Variants in GREB1 observed in about 807,000 individuals in gnomAD.
GREB1 encodes the protein protein GREB1.
GREB1 carries 106 observed loss-of-function variants against 200.7 expected under a neutral mutation model. The observed-to-expected ratio is 0.53, with a 90% confidence interval of 0.45 to 0.62. GREB1 has a LOEUF of 0.62. GREB1 is among the 20% of genes least tolerant of loss of function. The pLI is 0.00. For synonymous variants in GREB1, 1,132 were observed against 1,092.4 expected, an observed-to-expected ratio of 1.04 and a Z score of -0.72; for missense variants, 2,243 against 2,556.8, an observed-to-expected ratio of 0.88 and a Z score of 2.65.
chr2:11,623,954 C>T (rs1385350306), intron 23 of GREB1, among the ~76,000 whole-genome samples: 1 of 151,060 alleles, frequency 6.6e-6, no homozygotes, highest in Non-Finnish European at 1.5e-5. Flanking sequence ...ATATTAAGCT[C>T]ATAGAATAAG....
chr2:11,625,693 C>G (rs888594320), intron 24 of GREB1, among the ~76,000 whole-genome samples: 3 of 152,182 alleles, frequency 2.0e-5, no homozygotes, highest in African/African-American at 4.8e-5. Flanking sequence ...TCAGGGATCC[C>G]CAACATCCAT....
intron 1 of GREB1, among the ~76,000 whole-genome samples, chr2:11,524,124 A>G (rs1673794659): frequency 6.6e-6 from 1 of 152,222 alleles, no homozygotes; most frequent in Non-Finnish European, 1.5e-5. Flanking sequence ...CCTTGTAATG[A>G]AATTATTAAA....
At position 11,521,031 on chromosome 2, in the gene GREB1, A is replaced by G. The variant is rs146377403; in HGVS notation, c.-158-35426A>G. 1.6e-4 allele frequency among the ~76,000 whole-genome samples: 24 copies of G among 152,272 alleles called. No individual in the cohort carries two copies. The East Asian group carries it at 4.4e-3, about 28-fold the overall frequency. ...CTCTGCCGTGTGGGCTCCATGGTCT[A>G]TCAGGACCTGAGCCAGGCATGTATA... On this transcript the variant is annotated intron_variant, in intron 1 of 2. Transcript: ENST00000628795.
chr2:11,584,937 G>C (rs974712755), intron 7 of GREB1: 5 of 392,592 alleles, frequency 1.3e-5, no homozygotes, highest in African/African-American at 6.3e-5. Flanking sequence ...GGACCACCAG[G>C]TTGCCTAAGG....
At chr2:11,540,094 C>T (rs755416521) in intron 1 of GREB1, 4 of 152,272 alleles carry the variant, frequency 2.6e-5, no homozygotes, top group Non-Finnish European at 5.9e-5. Context: ...CCTGAAGTGA[C>T]CAGCTTTTTG....
At chr2:11,530,130 T>C (rs1674017813), upstream of GREB1, among the ~76,000 whole-genome samples, 1 of 152,056 alleles carries the variant, frequency 6.6e-6, no homozygotes, top group African/African-American at 2.4e-5. Flanking sequence ...GGCACCATCT[T>C]GGCTCACTGC....
At chr2:11,587,680 C>A in intron 9 of GREB1, 1 of 1,300,218 alleles carries the variant, frequency 7.7e-7, no homozygotes, top group South Asian at 1.6e-5. Flanking sequence ...AATGGAGTAC[C>A]TGGAGTACAA....
intron 17 of GREB1, among the ~76,000 whole-genome samples, chr2:11,610,182 C>T (rs186398305): frequency 2.6e-5 from 4 of 152,274 alleles, no homozygotes; most frequent in South Asian, 2.1e-4. Context: ...TGTCAAAATA[C>T]GTTTAGTTAT....
chr2:11,556,331 G>A (rs977962203), intron 1 of GREB1, 123 bp from the exon 2 acceptor site: 7 of 239,612 alleles, frequency 2.9e-5, no homozygotes, highest in Non-Finnish European at 4.8e-5. Context: ...TGGGAGTCCT[G>A]TGAAACCTGG....
chr2:11,587,741 A>ACACACACACACACACACGCG lies in GREB1; in HGVS notation c.1160-1004_1160-1003insACACACACACACACACGCGC. The stretch of plus-strand genomic sequence containing the variant: ...CACACACACACACACACACACACAC[A>ACACACACACACACACACGCG]CGCCACCTTTGGGAGCTCAGCAGCC... On this transcript the variant is annotated intron_variant, in intron 9 of 32. Coordinates refer to ENST00000381486, the MANE Select transcript of GREB1 (RefSeq NM_014668.4). The ACACACACACACACACACGCG allele has an allele frequency of 1.0e-3, 819 of 788,306 alleles. 60 individuals carry two copies. Among genetic ancestry groups the ACACACACACACACACACGCG allele is most frequent in the East Asian group, 6.6e-3 (85 of 12,908 alleles). 48.8% of individuals were successfully genotyped at this position (788,306 alleles called of 1,614,324 possible).
chr2:11,487,709 C>T (rs1469070623), intron 1 of GREB1, among the ~76,000 whole-genome samples: 1 of 152,252 alleles, frequency 6.6e-6, no homozygotes, highest in South Asian at 2.1e-4. Context: ...TCAGCTTCAG[C>T]AGTTGTCAAG....
intron 1 of GREB1, among the ~76,000 whole-genome samples, chr2:11,509,802 A>C (rs769454191): frequency 2.6e-5 from 4 of 152,220 alleles, no homozygotes; most frequent in Non-Finnish European, 4.4e-5. Flanking sequence ...CTCACCAGAC[A>C]CTGAGTCTGC....
intron 18 of GREB1, 74 bp from the exon 19 acceptor site, chr2:11,612,421 A>G (rs1683015702): frequency 6.6e-7 from 1 of 1,508,892 alleles, no homozygotes; most frequent in Non-Finnish European, 9.1e-7. Context: ...GTGGGAGGCC[A>G]TCAGGATTCC....
intron 9 of GREB1, among the ~76,000 whole-genome samples, chr2:11,586,909 G>A (rs1680160721): frequency 6.6e-6 from 1 of 152,140 alleles, no homozygotes; most frequent in Non-Finnish European, 1.5e-5. Flanking sequence ...GTCATGTTGT[G>A]TGTGTTTTTT....
At chr2:11,538,958 C>CCTCCT (rs1179706529) in intron 1 of GREB1, among the ~76,000 whole-genome samples, 1 of 63,952 alleles carries the variant, frequency 1.6e-5, no homozygotes, top group Admixed American at 1.5e-4. Flanking sequence ...TGTCCCCTCC[C>CCTCCT]CTCCTCTCCC....
intron 23 of GREB1, among the ~76,000 whole-genome samples, chr2:11,624,560 G>T (rs1338806546): frequency 6.6e-6 from 1 of 151,874 alleles, no homozygotes; most frequent in Non-Finnish European, 1.5e-5. Flanking sequence ...GGCCAGACTG[G>T]TCTCGAACTC....
rs59388643 is a variant in GREB1, at chr2:11,585,737, C to T, written c.1016-25C>T. 0.012 allele frequency: 18,699 copies of T among 1,611,770 alleles called. 1,697 individuals are homozygous for T. In the African/African-American group the frequency reaches 0.21, roughly 18 times the overall value. ...AGGTGGATGCCTTGTCTGATGTTTT[C>T]ACTAATATTCTTGGGTGTTCCTAGA... On this transcript the variant is annotated intron_variant, in intron 8 of 32. Transcript: ENST00000381486.
Position 11,602,503 on chromosome 2 carries a change from A to T in GREB1, c.2627A>T (p.Asp876Val), listed in dbSNP as rs1681872694. Residue 876 changes from aspartate to valine, a missense_variant, in exon 17 of 33, where the codon GAT (aspartate) becomes GTT (valine). Transcript: ENST00000381486. Reference sequence around the variant, plus strand: ...CACAGCCTCCCCTTGCTCAGATACGATAGCTCCTTTGAGGCCATGGTCACT... The same window carrying T: ...CACAGCCTCCCCTTGCTCAGATACGTTAGCTCCTTTGAGGCCATGGTCACT... ...SGHSLPLLRY[D>V]SSFEAMVTAL... The T allele has an allele frequency of 6.2e-7, 1 of 1,613,788 alleles. No homozygotes were observed. The highest frequency in any genetic ancestry group is 1.3e-5 in the African/African-American group (1 of 74,926).
Position 11,580,306 on chromosome 2 carries a change from G to A in GREB1, c.773-398G>A, listed in dbSNP as rs1309339724. Among the ~76,000 whole-genome samples the A allele has an allele frequency of 6.6e-6, 1 of 152,206 alleles. No homozygotes were observed. The highest frequency in any genetic ancestry group is 1.9e-4 in the East Asian group (1 of 5,194). Reference sequence around the variant, plus strand: ...GTAGAAGGAAGCAGAACAGTTTCAGGTGTGGTCCTGGAATTCAGGAAGTCC... The same window carrying A: ...GTAGAAGGAAGCAGAACAGTTTCAGATGTGGTCCTGGAATTCAGGAAGTCC... On this transcript the variant is annotated intron_variant, in intron 6 of 32. Transcript: ENST00000381486. The surrounding 1 kb of genome is among the most constrained non-coding windows in gnomAD (Gnocchi z 4.5).
Sources: allele counts gnomAD v4.1 joint callset (sites outside exome capture counted in the v4.1 genomes callset), GRCh38; gene constraint gnomAD v4.1.1; non-coding constraint Gnocchi (gnomAD v3.1); transcripts MANE v1.5; gene names NCBI Gene and HGNC (gene_info 2026-07-23, HGNC 2026-07-21).